The following TMEM237 variants were observed in gnomAD, a reference collection of about 807,000 sequenced individuals.
TMEM237 encodes the protein amyotrophic lateral sclerosis 2 (juvenile) chromosome region, candidate 4.
TMEM237 carries 51 observed loss-of-function variants against 59.1 expected under a neutral mutation model. The ratio of observed to expected loss-of-function variants is 0.86; its 90% CI spans 0.69 to 1.09. TMEM237 has a LOEUF of 1.09. Among genes scored for constraint, TMEM237 ranks in the 50% least tolerant of loss-of-function variants. The pLI is 0.00. For missense variants in TMEM237, 475 were observed against 478.3 expected, an observed-to-expected ratio of 0.99 and a Z score of 0.06; for synonymous variants, 140 against 166.1, an observed-to-expected ratio of 0.84 and a Z score of 1.21.
In TMEM237 at chr2:201,641,277, C is replaced by G. The variant is rs536261789; in HGVS notation, c.43-353G>C. Among the ~76,000 whole-genome samples the G allele has an allele frequency of 2.2e-4, 34 of 152,290 alleles. No individual in the cohort carries two copies. The South Asian group carries it at 7.1e-3, about 32-fold the overall frequency. On this transcript the variant is annotated intron_variant, in intron 1 of 12. Transcript: ENST00000409883. ...AAAGTGGTGGGATTATAGGAGTGAGCCACTACGCCCGGCCAAAGCAATTCT... is the reference window on the plus strand; with the variant it reads ...AAAGTGGTGGGATTATAGGAGTGAGGCACTACGCCCGGCCAAAGCAATTCT...
intron 2 of TMEM237, among the ~76,000 whole-genome samples, chr2:201,640,523 T>C (rs1687392297): frequency 6.6e-6 from 1 of 152,078 alleles, no homozygotes; most frequent in African/African-American, 2.4e-5. Context: ...TGTCTATTAA[T>C]AAAATGGATT....
At chr2:201,634,005 G>A (rs529039786) in intron 5 of TMEM237, among the ~76,000 whole-genome samples, 1 of 152,316 alleles carries the variant, frequency 6.6e-6, no homozygotes, top group East Asian at 1.9e-4. Flanking sequence ...CAAAATTCTG[G>A]ATGCCCGGAA....
rs753285173 is a variant in TMEM237, at chr2:201,629,257, GC to G, written c.841del (p.Ala281LeufsTer2). ...GTCAAAAGCTGAAATTGTACTCAGA[GC>G]CAAAAGCAAGTACAGAAGACTCTGG... ...PFQSLLYLLL[A>X]LSTISAFDRI... On this transcript the variant is annotated frameshift_variant, in exon 9 of 13. Transcript: ENST00000409883. LOFTEE classifies it high-confidence loss of function. 8 of 1,580,584 alleles carry G rather than the reference GC, an allele frequency of 5.1e-6. No homozygotes were observed. The highest frequency in any genetic ancestry group is 6.8e-6 in the Non-Finnish European group (8 of 1,169,312).
chr2:201,620,280 ATTAT>A lies in TMEM237; in HGVS notation c.*3971_*3974del, dbSNP rs1957685234. The A allele has an allele frequency of 6.6e-6, 1 of 152,228 alleles. No individual in the cohort carries two copies. Among genetic ancestry groups the A allele is most frequent in the African/African-American group, 2.4e-5 (1 of 41,458 alleles). 9.4% of individuals were successfully genotyped at this position (152,228 alleles called of 1,614,324 possible). A position where few individuals can be genotyped will look rare whatever the true frequency, so the allele number is the denominator to read the frequency against. On this transcript the variant is annotated 3_prime_UTR_variant, in exon 13 of 13. Coordinates refer to ENST00000409883, the MANE Select transcript of TMEM237 (RefSeq NM_001044385.3). The stretch of plus-strand genomic sequence containing the variant: ...AAATGTACTCTCCTAGCTCAGGATC[ATTAT>A]TTATTCCTCTTATTTTTGGAATCTA...
Position 201,626,184 on chromosome 2 carries a change from G to A in TMEM237, c.1038-37C>T, listed in dbSNP as rs781429961. On this transcript the variant is annotated intron_variant, in intron 11 of 12. Coordinates refer to ENST00000409883, the MANE Select transcript of TMEM237 (RefSeq NM_001044385.3). ...GAAACACTCATTAGAAGTGCCTTCA[G>A]TTTGGTTCATATACACAAATATATC... 5 of 1,600,008 alleles carry A rather than the reference G, an allele frequency of 3.1e-6. No individual in the cohort carries two copies. In the South Asian group the frequency reaches 4.5e-5, roughly 14 times the overall value.
intron 5 of TMEM237, chr2:201,634,298 C>T (rs916705203): frequency 3.9e-5 from 6 of 152,202 alleles, no homozygotes; most frequent in African/African-American, 1.4e-4. Context: ...AATACTAGCT[C>T]CCTGGAATAC....
intron 4 of TMEM237, among the ~76,000 whole-genome samples, chr2:201,637,655 G>C (rs994750805): frequency 1.3e-5 from 2 of 149,830 alleles, no homozygotes; most frequent in Admixed American, 6.7e-5. Context: ...CGAGGCAGGA[G>C]AATCGCTTGA....
Position 201,623,321 on chromosome 2 carries a change from A to C in TMEM237, c.*934T>G. 1 of 338,460 alleles carries C rather than the reference A, an allele frequency of 3.0e-6. No individual in the cohort carries two copies. The highest frequency in any genetic ancestry group is 6.0e-6 in the Non-Finnish European group (1 of 166,142). 21.0% of individuals were successfully genotyped at this position (338,460 alleles called of 1,614,324 possible). On this transcript the variant is annotated 3_prime_UTR_variant, in exon 13 of 13. Transcript: ENST00000409883. ...GGGTCTCATATACAACAGCTGAGGT[A>C]CCATTGGATATAGTTCTGAAGAGAT...
At chr2:201,642,852 A>G (rs895767469) in intron 1 of TMEM237, 3 of 1,340,478 alleles carry the variant, frequency 2.2e-6, no homozygotes, top group East Asian at 3.1e-5. Context: ...GTTGGGGGTA[A>G]TGTGCCCAGG....
intron 5 of TMEM237, among the ~76,000 whole-genome samples, chr2:201,633,692 C>G (rs1456713639): frequency 6.6e-6 from 1 of 152,182 alleles, no homozygotes; most frequent in Non-Finnish European, 1.5e-5. Flanking sequence ...AAGATTATCT[C>G]CTGGTTCGCT....
Position 201,624,275 on chromosome 2 carries a change from C to T in TMEM237, c.1207G>A (p.Glu403Lys). ...EVEEYPDKEK[E>K]IKASS ...TGGTATTATGAAGAGGCTTTGATTT[C>T]TTTCTCTTTATCAGGATATTCTTCC... Residue 403 changes from glutamate to lysine, a missense_variant, in exon 13 of 13, where the codon GAA (glutamate) becomes AAA (lysine). Transcript: ENST00000409883. 1 of 1,612,038 alleles carries T rather than the reference C, an allele frequency of 6.2e-7. No individual in the cohort carries two copies. Among genetic ancestry groups the T allele is most frequent in the Non-Finnish European group, 8.5e-7 (1 of 1,178,758 alleles).
intron 9 of TMEM237, 24 bp downstream of exon 9, chr2:201,629,206 C>T (rs202178175): frequency 3.4e-6 from 5 of 1,469,478 alleles, no homozygotes; most frequent in Admixed American, 5.2e-5. Context: ...AGAAGTTAGA[C>T]AGATCTGGAG....
rs144760815 is a variant in TMEM237 at position 201,621,267 on chromosome 2, G to A, written c.*2988C>T. On this transcript the variant is annotated 3_prime_UTR_variant, in exon 13 of 13. Transcript: ENST00000409883. ...TAGGTGAGGCACTCTAAAGCAACTA[G>A]CTTGGACTCTTCAAAAAATTGTCAT... 1 of 152,312 alleles carries A rather than the reference G, an allele frequency of 6.6e-6. No individual in the cohort carries two copies. The highest frequency in any genetic ancestry group is 1.9e-4 in the East Asian group (1 of 5,188). 9.4% of individuals were successfully genotyped at this position (152,312 alleles called of 1,614,324 possible).
At chr2:201,625,659 CAG>C (rs1957752431) in intron 12 of TMEM237, among the ~76,000 whole-genome samples, 1 of 152,136 alleles carries the variant, frequency 6.6e-6, no homozygotes. Flanking sequence ...ATGTGTCCGA[CAG>C]AGAGGCTATG....
rs1410111802 is a variant in TMEM237 at position 201,620,646 on chromosome 2, C to T, written c.*3609G>A. On this transcript the variant is annotated 3_prime_UTR_variant, in exon 13 of 13. Transcript: ENST00000409883. ...AGGATGTTGCCAGTTGGACATTGGA[C>T]AGGGAGTTGCTGGGCAAATGTCCTC... 2 of 152,188 alleles carry T rather than the reference C, an allele frequency of 1.3e-5. No homozygotes were observed. Among genetic ancestry groups the T allele is most frequent in the African/African-American group, 2.4e-5 (1 of 41,448 alleles). 9.4% of individuals were successfully genotyped at this position (152,188 alleles called of 1,614,324 possible).
At chr2:201,628,193 T>A in intron 9 of TMEM237, 44 bp from the exon 10 acceptor site, 1 of 1,363,942 alleles carries the variant, frequency 7.3e-7, no homozygotes, top group Non-Finnish European at 1.0e-6. Context: ...GTTGTAAACT[T>A]AACAAAACTT....
intron 6 of TMEM237, 129 bp downstream of exon 6, chr2:201,633,182 A>T: frequency 1.1e-6 from 1 of 871,660 alleles, no homozygotes; most frequent in Non-Finnish European, 1.6e-6. Context: ...TTTTTGTAAT[A>T]ATACTTATCC....
chr2:201,640,954 A>G (rs941220082), intron 1 of TMEM237, 30 bp from the exon 2 acceptor site: 1 of 1,598,984 alleles, frequency 6.3e-7, no homozygotes, highest in Non-Finnish European at 8.5e-7. Context: ...TTTGCTTGTA[A>G]GTAAAAGCCT....
At chr2:201,627,490 A>T in intron 10 of TMEM237, 76 bp from the exon 11 acceptor site, 3 of 967,260 alleles carry the variant, frequency 3.1e-6, no homozygotes, top group Non-Finnish European at 4.6e-6. Flanking sequence ...TTAATATCGA[A>T]AATAATCTAT....
Sources: allele counts gnomAD v4.1 joint callset (sites outside exome capture counted in the v4.1 genomes callset), GRCh38; gene constraint gnomAD v4.1.1; transcripts MANE v1.5; gene names NCBI Gene and HGNC (gene_info 2026-07-23, HGNC 2026-07-21).